The following MNAT1 variants were observed in gnomAD, a reference collection of about 807,000 sequenced individuals.
MNAT1 encodes CDK-activating kinase assembly factor MAT1.
In MNAT1, 43 loss-of-function variants were observed where a neutral mutation model predicts 42.0. The observed-to-expected ratio is 1.02, with a 90% CI of 0.80 to 1.32. The LOEUF (loss-of-function observed/expected upper bound fraction) is 1.32, where lower values mean the gene tolerates loss of function less well. Among genes scored for constraint, MNAT1 ranks in the 40% most tolerant of loss-of-function variants. The probability of loss-of-function intolerance (pLI) is 0.00; values close to 1 mark genes in which losing one functional copy is unlikely to be tolerated. For missense variants in MNAT1, 306 were observed against 350.4 expected (o/e 0.87, Z 1.01); for synonymous variants, 118 against 120.0 (o/e 0.98, Z 0.11).
intron 7 of MNAT1, among the ~76,000 whole-genome samples, chr14:60,886,473 C>G (rs541628035): frequency 6.6e-6 from 1 of 151,776 alleles, no homozygotes; most frequent in South Asian, 2.1e-4. Flanking sequence ...TCTTAAGTAT[C>G]TTAATCTTTT....
intron 7 of MNAT1, among the ~76,000 whole-genome samples, chr14:60,913,339 G>T (rs1277612834): frequency 6.6e-6 from 1 of 152,090 alleles, no homozygotes; most frequent in Non-Finnish European, 1.5e-5. Context: ...TCAAAGTCAT[G>T]CTCCATCCAG....
chr14:60,960,883 A>T (rs2036575271), intron 7 of MNAT1, among the ~76,000 whole-genome samples: 1 of 151,954 alleles, frequency 6.6e-6, no homozygotes, highest in Non-Finnish European at 1.5e-5. Flanking sequence ...CTCTGTATCT[A>T]CTCTTGCTTT....
At chr14:60,741,680 T>TTTTTTTTTTTTTTTTTG (rs1555371492) in intron 1 of MNAT1, among the ~76,000 whole-genome samples, 1 of 141,446 alleles carries the variant, frequency 7.1e-6, no homozygotes, top group Non-Finnish European at 1.5e-5. Flanking sequence ...TTTTTTTTTT[T>TTTTTTTTTTTTTTTTTG]AATTTTTAGT....
In MNAT1 at chr14:60,938,335, T is replaced by C. The variant is rs899680790; in HGVS notation, c.810-29894T>C. ...TCAAAGGGAATGCTTCCAGTTTTTG[T>C]CCATTCAGTATGATATTGGCTGTGG... On this transcript the variant is annotated intron_variant, in intron 7 of 7. Transcript: ENST00000261245. 4.6e-5 allele frequency among the ~76,000 whole-genome samples: 7 copies of C among 152,212 alleles called. No homozygotes were observed. The South Asian group carries it at 6.2e-4, about 14-fold the overall frequency.
intron 6 of MNAT1, among the ~76,000 whole-genome samples, chr14:60,872,576 C>G (rs1343902975): frequency 6.6e-6 from 1 of 151,910 alleles, no homozygotes; most frequent in East Asian, 1.9e-4. Flanking sequence ...TTACTTTAAC[C>G]TTAATCACTA....
intron 6 of MNAT1, among the ~76,000 whole-genome samples, chr14:60,870,133 A>G (rs760834232): frequency 2.6e-5 from 4 of 152,076 alleles, no homozygotes; most frequent in African/African-American, 7.2e-5. Context: ...CAATGTTCCT[A>G]TGTTGCTCTA....
intron 7 of MNAT1, among the ~76,000 whole-genome samples, chr14:60,897,540 A>G (rs1419270415): frequency 1.3e-5 from 2 of 152,060 alleles, no homozygotes; most frequent in Non-Finnish European, 1.5e-5. Context: ...GTGTATTCTT[A>G]AATTTTCCTT....
At chr14:60,789,311 G>T (rs551508653) in intron 1 of MNAT1, among the ~76,000 whole-genome samples, 2 of 152,072 alleles carry the variant, frequency 1.3e-5, no homozygotes, top group Non-Finnish European at 2.9e-5. Flanking sequence ...AATTAAAATG[G>T]TAACACCAAA....
intron 7 of MNAT1, among the ~76,000 whole-genome samples, chr14:60,882,782 A>G (rs1027638233): frequency 6.6e-6 from 1 of 151,958 alleles, no homozygotes; most frequent in South Asian, 2.1e-4. Flanking sequence ...TTAAACTGGG[A>G]TGAGATTCTA....
intron 7 of MNAT1, among the ~76,000 whole-genome samples, chr14:60,938,913 T>C (rs545285511): frequency 1.3e-5 from 2 of 152,336 alleles, no homozygotes; most frequent in East Asian, 3.9e-4. Context: ...TTTCAGAGCC[T>C]GTTATTGGTC....
rs575327863 is a variant in MNAT1 at position 60,967,452 on chromosome 14, G to A, written c.810-777G>A. On this transcript the variant is annotated intron_variant, in intron 7 of 7. Transcript: ENST00000261245. ...AGAAAGCTGGAATTATTTGTTTCCA[G>A]AAGTGTTAGTAGTCATGCTAAGTTG... is the stretch of plus-strand genomic sequence containing the variant. Among the ~76,000 whole-genome samples the A allele has an allele frequency of 3.9e-5, 6 of 152,272 alleles. 1 individual carries two copies. In the South Asian group the frequency reaches 8.3e-4, roughly 21 times the overall value.
rs546934336 is a variant in MNAT1, at chr14:60,780,990, G to A, written c.90-15227G>A. The stretch of plus-strand genomic sequence containing the variant: ...ATATTTAATTATAAAATACAGCAAA[G>A]GAAGTCTAAATATTCAGAATCTTTG... On this transcript the variant is annotated intron_variant, in intron 1 of 7. Coordinates refer to ENST00000261245, the MANE Select transcript of MNAT1 (RefSeq NM_002431.4). 3.9e-5 allele frequency among the ~76,000 whole-genome samples: 6 copies of A among 152,218 alleles called. No individual in the cohort carries two copies. The East Asian group carries it at 1.2e-3, about 29-fold the overall frequency.
At chr14:60,904,612 A>G (rs1352541653) in intron 7 of MNAT1, among the ~76,000 whole-genome samples, 1 of 152,196 alleles carries the variant, frequency 6.6e-6, no homozygotes, top group African/African-American at 2.4e-5. Context: ...TGCTCATGAG[A>G]TTACAAGGTC....
At chr14:60,744,029 T>G (rs1566748092) in intron 1 of MNAT1, among the ~76,000 whole-genome samples, 3 of 152,334 alleles carry the variant, frequency 2.0e-5, no homozygotes, top group East Asian at 1.9e-4. Context: ...TTCCTTTAAT[T>G]TTTTGAACAT....
chr14:60,847,358 C>T (rs924677272), intron 6 of MNAT1, among the ~76,000 whole-genome samples: 1 of 149,658 alleles, frequency 6.7e-6, no homozygotes, highest in East Asian at 2.0e-4. Flanking sequence ...GAGCCAAGAT[C>T]GCACCACTGC....
At chr14:60,777,410 C>A (rs1023561596) in intron 1 of MNAT1, among the ~76,000 whole-genome samples, 14 of 151,986 alleles carry the variant, frequency 9.2e-5, no homozygotes, top group African/African-American at 9.7e-5. Context: ...CACAGCAAGA[C>A]CTCGTCTTTA....
intron 7 of MNAT1, among the ~76,000 whole-genome samples, chr14:60,936,214 C>A (rs2035992050): frequency 6.6e-6 from 1 of 151,982 alleles, no homozygotes; most frequent in South Asian, 2.1e-4. Flanking sequence ...CTCCGGAGAC[C>A]CCTTTTTTGT....
At chr14:60,741,646 A>G (rs1189698475) in intron 1 of MNAT1, among the ~76,000 whole-genome samples, 1 of 140,186 alleles carries the variant, frequency 7.1e-6, no homozygotes, top group Non-Finnish European at 1.5e-5. Flanking sequence ...GGCGTGAGCC[A>G]CTGCGCCTGG....
chr14:60,953,736 C>T (rs1286898134), intron 7 of MNAT1, among the ~76,000 whole-genome samples: 1 of 152,124 alleles, frequency 6.6e-6, no homozygotes, highest in Non-Finnish European at 1.5e-5. Context: ...AATTTACATT[C>T]TCATTAACAC....
Sources: gnomAD v4.1 joint callset for allele counts (sites outside exome capture counted in the v4.1 genomes callset) on GRCh38, gnomAD v4.1.1 for gene constraint, MANE v1.5 for transcripts, NCBI Gene and HGNC (gene_info 2026-07-23, HGNC 2026-07-21) for gene names.